The following ANO4 variants were observed in gnomAD, a reference collection of about 807,000 sequenced individuals.
The protein encoded by ANO4 is anoctamin-4.
Under a neutral mutation model 141.9 loss-of-function variants are expected in ANO4, and 69 were observed. The ratio of observed to expected loss-of-function variants is 0.49; its 90% CI spans 0.40 to 0.59. ANO4 has a LOEUF of 0.59. ANO4 is among the 20% of genes least tolerant of loss of function. The probability of loss-of-function intolerance (pLI) is 0.00; values close to 1 mark genes in which losing one functional copy is unlikely to be tolerated. For missense variants in ANO4, 894 were observed against 1,162.2 expected (o/e 0.77, Z 3.36); for synonymous variants, 350 against 394.3 (o/e 0.89, Z 1.33).
chr12:100,939,595 C>A, intron 4 of ANO4, 144 bp downstream of exon 4: 2 of 868,212 alleles, frequency 2.3e-6, no homozygotes, highest in South Asian at 3.3e-5. Flanking sequence ...ATTCCTTTGA[C>A]ATCCCCCATG....
At chr12:100,921,211 C>T (rs184856938) in intron 2 of ANO4, among the ~76,000 whole-genome samples, 1 of 152,186 alleles carries the variant, frequency 6.6e-6, no homozygotes, top group East Asian at 1.9e-4. Flanking sequence ...AGTCCCTGCC[C>T]TCCCAAGGCT....
intron 1 of ANO4, among the ~76,000 whole-genome samples, chr12:100,813,826 A>G (rs771878975): frequency 7.9e-5 from 12 of 152,192 alleles, no homozygotes; most frequent in Non-Finnish European, 1.5e-4. Context: ...TTGTAATCCT[A>G]TAAGCTTATG....
intron 1 of ANO4, among the ~76,000 whole-genome samples, chr12:100,865,620 C>T (rs998049557): frequency 6.6e-6 from 1 of 152,054 alleles, no homozygotes; most frequent in Non-Finnish European, 1.5e-5. Context: ...CATCTCATGC[C>T]AGTTAGAATG....
intron 3 of ANO4, among the ~76,000 whole-genome samples, chr12:100,748,003 C>G (rs556463870): frequency 1.5e-4 from 23 of 152,262 alleles, no homozygotes; most frequent in African/African-American, 5.3e-4. Context: ...AGGAGTCTAG[C>G]TTTTACCTGT....
chr12:101,121,646 G>C (rs1349885560), intron 26 of ANO4, among the ~76,000 whole-genome samples: 1 of 151,742 alleles, frequency 6.6e-6, no homozygotes, highest in East Asian at 1.9e-4. Flanking sequence ...TTTGTTCTTT[G>C]AGAAATCTCC....
chr12:100,907,973 GTTA>G (rs1275001543), intron 2 of ANO4, among the ~76,000 whole-genome samples: 1 of 152,184 alleles, frequency 6.6e-6, no homozygotes, highest in Non-Finnish European at 1.5e-5. Flanking sequence ...TTAAATGAAT[GTTA>G]TTAAGATATT....
chr12:100,834,485 G>A (rs1463957511), intron 1 of ANO4, among the ~76,000 whole-genome samples: 2 of 152,096 alleles, frequency 1.3e-5, no homozygotes, highest in African/African-American at 4.8e-5. Context: ...AGCATAGATT[G>A]TAATTATGCT....
intron 8 of ANO4, among the ~76,000 whole-genome samples, chr12:101,014,702 T>C (rs1279343319): frequency 6.6e-6 from 1 of 152,242 alleles, no homozygotes; most frequent in African/African-American, 2.4e-5. Context: ...TGTGTGGATA[T>C]AGGCCTTGAT....
chr12:100,809,386 C>CAAA (rs113154732), intron 1 of ANO4, among the ~76,000 whole-genome samples: 7 of 137,418 alleles, frequency 5.1e-5, no homozygotes, highest in African/African-American at 1.9e-4. Flanking sequence ...GATTCTGTCT[C>CAAA]AAAAAAAAAA....
At chr12:101,034,845 T>G (rs1466219836) in intron 9 of ANO4, among the ~76,000 whole-genome samples, 1 of 152,084 alleles carries the variant, frequency 6.6e-6, no homozygotes, top group Non-Finnish European at 1.5e-5. Flanking sequence ...AAAATGAGAA[T>G]TAAACACGAT....
intron 5 of ANO4, among the ~76,000 whole-genome samples, chr12:100,969,614 A>T (rs1017494945): frequency 1.3e-5 from 2 of 152,218 alleles, no homozygotes; most frequent in African/African-American, 4.8e-5. Flanking sequence ...ATTTGAAAAC[A>T]ATTTCCCGGA....
At chr12:100,925,186 A>T (rs556403107) in intron 3 of ANO4, among the ~76,000 whole-genome samples, 1 of 152,216 alleles carries the variant, frequency 6.6e-6, no homozygotes, top group African/African-American at 2.4e-5. Flanking sequence ...GTCTCTATTT[A>T]GGTTCCAAAT....
Position 100,967,200 on chromosome 12 carries a change from C to T in ANO4, c.457-4106C>T, listed in dbSNP as rs528462083. On this transcript the variant is annotated intron_variant, in intron 5 of 27. Coordinates refer to ENST00000392977, the MANE Select transcript of ANO4 (RefSeq NM_001286615.2). ...CAAACTTCTCTAAGTGGTAATTTTTCTCTCCCCAAGGTTTTATTCCCAGGA... is the reference window on the plus strand; with the variant it reads ...CAAACTTCTCTAAGTGGTAATTTTTTTCTCCCCAAGGTTTTATTCCCAGGA... Among the ~76,000 whole-genome samples the T allele has an allele frequency of 2.6e-3, 395 of 152,136 alleles. 2 individuals carry two copies. The highest frequency in any genetic ancestry group is 8.8e-3 in the African/African-American group (365 of 41,524).
intron 22 of ANO4, 97 bp downstream of exon 22, chr12:101,099,817 G>A: frequency 9.7e-7 from 1 of 1,034,026 alleles, no homozygotes; most frequent in South Asian, 2.4e-5. Flanking sequence ...GGTCCTCAGT[G>A]CGTAGGGATT....
chr12:100,741,788 G>A (rs1341382207), intron 3 of ANO4, among the ~76,000 whole-genome samples: 2 of 152,136 alleles, frequency 1.3e-5, no homozygotes, highest in South Asian at 2.1e-4. Context: ...GTGAAGGAAA[G>A]CTGACTCTTC....
intron 9 of ANO4, among the ~76,000 whole-genome samples, chr12:101,024,463 G>C (rs978190443): frequency 1.3e-5 from 2 of 152,028 alleles, no homozygotes; most frequent in African/African-American, 4.8e-5. Flanking sequence ...GAGCATGGTG[G>C]CACTCACCTG....
At chr12:100,732,468 C>CTTTG (rs2031420392) in intron 1 of ANO4, among the ~76,000 whole-genome samples, 1 of 152,094 alleles carries the variant, frequency 6.6e-6, no homozygotes, top group African/African-American at 2.4e-5. Context: ...CTTTATATAA[C>CTTTG]AATCCTTTAT....
intron 16 of ANO4, among the ~76,000 whole-genome samples, chr12:101,085,579 T>TG (rs1373337727): frequency 1.3e-5 from 2 of 152,210 alleles, no homozygotes; most frequent in African/African-American, 4.8e-5. Flanking sequence ...CTTGAGCATC[T>TG]GTGGATTTTG....
intron 1 of ANO4, among the ~76,000 whole-genome samples, chr12:100,869,594 C>T (rs917675333): frequency 6.6e-6 from 1 of 152,198 alleles, no homozygotes; most frequent in Non-Finnish European, 1.5e-5. Context: ...GGTGCTGCAG[C>T]TCTGCAACTT....
Sources: allele counts gnomAD v4.1 joint callset (sites outside exome capture counted in the v4.1 genomes callset), GRCh38; gene constraint gnomAD v4.1.1; transcripts MANE v1.5; gene names NCBI Gene and HGNC (gene_info 2026-07-23, HGNC 2026-07-21).